The following ZNF582 variants were observed in gnomAD, a reference collection of about 807,000 sequenced individuals.
ZNF582 encodes zinc finger protein 582.
In ZNF582, 14 loss-of-function variants were observed where a neutral mutation model predicts 12.3. That is an observed-to-expected ratio of 1.14 (90% CI 0.75 to 1.78). ZNF582 has a LOEUF of 1.78. Ranked by LOEUF, ZNF582 falls within the 40% of genes most tolerant of loss-of-function variation. ZNF582 has a pLI of 0.00. For synonymous variants in ZNF582, 210 were observed against 207.2 expected, an observed-to-expected ratio of 1.01 and a Z score of -0.11; for missense variants, 567 against 616.5, an observed-to-expected ratio of 0.92 and a Z score of 0.85.
chr19:56,384,110 G>A, exon 5 of ZNF582: 1 of 1,612,528 alleles, frequency 6.2e-7, no homozygotes, highest in Non-Finnish European at 8.5e-7. Context: ...AATCAATTGT[G>A]AGCAATGACT....
rs770616014 is a variant in ZNF582, at chr19:56,390,357, C to G, written c.136+18G>C. The G allele has an allele frequency of 6.2e-7, 1 of 1,614,078 alleles. No individual in the cohort carries two copies. The highest frequency in any genetic ancestry group is 8.5e-7 in the Non-Finnish European group (1 of 1,180,012). ...TGCCCAAGGATAACCTCCAAACTAACAGACGAGATCACCTTACCCAGTGAG... is the reference window on the plus strand; with the variant it reads ...TGCCCAAGGATAACCTCCAAACTAAGAGACGAGATCACCTTACCCAGTGAG... On this transcript the variant is annotated intron_variant, in intron 3 of 4. Transcript: ENST00000586929.
At chr19:56,391,407 C>T (rs183769463) in intron 2 of ZNF582, among the ~76,000 whole-genome samples, 1 of 152,304 alleles carries the variant, frequency 6.6e-6, no homozygotes, top group African/African-American at 2.4e-5. Flanking sequence ...GAAACTGAAA[C>T]CAACCAACAC....
chr19:56,384,645 T>C (rs1302590400), exon 5 of ZNF582: 2 of 1,614,166 alleles, frequency 1.2e-6, no homozygotes, highest in South Asian at 1.1e-5. Context: ...TCACAATCTT[T>C]ACATTCATAC....
At chr19:56,389,923 T>G in intron 4 of ZNF582, 78 bp downstream of exon 4, 2 of 1,193,818 alleles carry the variant, frequency 1.7e-6, no homozygotes, top group Middle Eastern at 2.0e-4. Context: ...GCAGGGAAGA[T>G]CTTCTAAGAC....
chr19:56,386,198 G>A (rs2041964594), intron 4 of ZNF582: 1 of 152,220 alleles, frequency 6.6e-6, no homozygotes, highest in Admixed American at 6.5e-5. Flanking sequence ...TGGAGGACAT[G>A]CAGGAGAATG....
intron 1 of ZNF582, among the ~76,000 whole-genome samples, chr19:56,392,291 C>T (rs1015463794): frequency 1.3e-5 from 2 of 152,234 alleles, no homozygotes; most frequent in African/African-American, 4.8e-5. Context: ...TTTTCCCAAC[C>T]GCCAAATATA....
exon 1 of ZNF582, chr19:56,393,227 G>T (rs1010864810): frequency 8.0e-7 from 1 of 1,256,298 alleles, no homozygotes; most frequent in African/African-American, 1.6e-5. Context: ...CACCTAAGGG[G>T]TCCATGCACC....
intron 2 of ZNF582, 134 bp from the exon 3 acceptor site, chr19:56,390,635 A>T: frequency 5.6e-6 from 5 of 899,240 alleles, no homozygotes; most frequent in Non-Finnish European, 8.5e-6. Flanking sequence ...GTGAAAGGTG[A>T]CAGAAGAAAT....
rs75708031 is a variant in ZNF582, at chr19:56,391,444, T to C, written c.9+300A>G. 5.6e-3 allele frequency among the ~76,000 whole-genome samples: 853 copies of C among 152,340 alleles called. 3 individuals carry two copies. Among genetic ancestry groups the C allele is most frequent in the African/African-American group, 0.019 (770 of 41,574 alleles). On this transcript the variant is annotated intron_variant, in intron 2 of 4. Transcript: ENST00000586929. ...ACCTCCCCTGCTTTTCTATATGTGA[T>C]TGCTCCTAAGCATTCATTCCATCTC... is the stretch of plus-strand genomic sequence containing the variant.
intron 4 of ZNF582, among the ~76,000 whole-genome samples, chr19:56,389,327 C>G (rs2041996473): frequency 6.6e-6 from 1 of 152,262 alleles, no homozygotes; most frequent in Non-Finnish European, 1.5e-5. Context: ...CAAACCGATA[C>G]AAATTCCTTT....
chr19:56,384,947 G>C, exon 5 of ZNF582: 1 of 1,614,108 alleles, frequency 6.2e-7, no homozygotes, highest in Non-Finnish European at 8.5e-7. Context: ...AAAAGTAAGG[G>C]ATGCATGCTG....
chr19:56,383,762 C>A, exon 5 of ZNF582: 1 of 1,346,806 alleles, frequency 7.4e-7, no homozygotes, highest in East Asian at 2.5e-5. Flanking sequence ...AATTTTCAGA[C>A]TTAGGATAAA....
Position 56,384,685 on chromosome 19 carries a change from T to A in ZNF582, c.732A>T (p.Gln244His). The change falls in exon 5 of 5, where the codon CAA (glutamine) becomes CAT (histidine). Residue 244 changes from glutamine (Q) to histidine (H), a missense_variant. Gln to His is a conservative substitution (Grantham distance 24). Coordinates refer to ENST00000586929, the Ensembl canonical transcript of ZNF582. ...TCTCACCAGTATGAACTCTCTGATG[T>A]TGTATAAAATTTGAACCAGAATTGA... The A allele has an allele frequency of 2.5e-6, 4 of 1,613,428 alleles. No homozygotes were observed. Among genetic ancestry groups the A allele is most frequent in the South Asian group, 1.1e-5 (1 of 90,916 alleles).
At chr19:56,382,847 T>A (rs2041929045) in exon 5 of ZNF582, 2 of 152,122 alleles carry the variant, frequency 1.3e-5, no homozygotes, top group South Asian at 4.1e-4. Flanking sequence ...AGGCTCTGGG[T>A]CAGCTTCTCT....
intron 1 of ZNF582, 105 bp from the exon 2 acceptor site, chr19:56,391,937 G>A: frequency 1.1e-6 from 1 of 945,758 alleles, no homozygotes; most frequent in Non-Finnish European, 1.6e-6. Context: ...CCAAGAAAAT[G>A]AGAAGGAGGG....
In ZNF582 at chr19:56,391,774, T is replaced by TGATAG. The variant is rs763619895; in HGVS notation, c.-27_-23dup. On this transcript the variant is annotated 5_prime_UTR_variant, in exon 2 of 5. The change creates a premature stop within an existing upstream ORF in the 5' untranslated region. Coordinates refer to ENST00000586929, the Ensembl canonical transcript of ZNF582. ...ACATGACTTTTAGAATTTCAAGGGC[T>TGATAG]GATAGGTCCTCCTTCTGGTTCCTCT... 8.9e-5 allele frequency: 143 copies of TGATAG among 1,614,222 alleles called. 1 individual carries two copies. In the East Asian group the frequency reaches 3.2e-3, roughly 36 times the overall value.
chr19:56,385,126 G>T, exon 5 of ZNF582: 1 of 1,612,546 alleles, frequency 6.2e-7, no homozygotes. Context: ...GGGGTGATTC[G>T]ACTTCATAAA....
intron 4 of ZNF582, chr19:56,387,723 G>C (rs2041979618): frequency 6.6e-6 from 1 of 152,132 alleles, no homozygotes; most frequent in Non-Finnish European, 1.5e-5. Context: ...TCAGCCTTCT[G>C]AGTAGCTGGG....
chr19:56,383,958 G>C (rs772247482), exon 5 of ZNF582: 3 of 1,613,480 alleles, frequency 1.9e-6, no homozygotes, highest in African/African-American at 1.3e-5. Context: ...CTGATGGAAG[G>C]CTTTTCTACA....
Sources: gnomAD v4.1 joint callset for allele counts (sites outside exome capture counted in the v4.1 genomes callset) on GRCh38, gnomAD v4.1.1 for gene constraint, MANE v1.5 for transcripts, NCBI Gene and HGNC (gene_info 2026-07-23, HGNC 2026-07-21) for gene names.